The following PDIA2 variants were observed in gnomAD, a reference collection of about 807,000 sequenced individuals.
PDIA2 encodes the protein protein disulfide-isomerase A2.
A neutral mutation model predicts 51.1 loss-of-function variants in PDIA2; 76 were observed. That is an observed-to-expected ratio of 1.49 (90% CI 1.24 to 1.80). The LOEUF (loss-of-function observed/expected upper bound fraction) is 1.80, where lower values mean the gene tolerates loss of function less well. PDIA2 is among the 40% of genes most tolerant of loss of function. The pLI is 0.00. For missense variants in PDIA2, 946 were observed against 706.5 expected, an observed-to-expected ratio of 1.34 and a Z score of -3.84; for synonymous variants, 429 against 309.9, an observed-to-expected ratio of 1.38 and a Z score of -4.04.
chr16:284,431 AG>A lies in PDIA2; in HGVS notation c.245del (p.Ser82ThrfsTer33). ...GHCQALAPEY[S>X]KAAAVLAAES... is the part of the protein sequence containing the mutation. Reference sequence around the variant, plus strand: ...CTGCCAGGCCCTGGCCCCCGAGTACAGCAAGGCAGCTGCCGTGCTCGCGGCC... The same window carrying A: ...CTGCCAGGCCCTGGCCCCCGAGTACACAAGGCAGCTGCCGTGCTCGCGGCC... On this transcript the variant is annotated frameshift_variant, in exon 2 of 11. Transcript: ENST00000219406. LOFTEE classifies it high-confidence loss of function. The A allele has an allele frequency of 6.3e-7, 1 of 1,588,530 alleles. No individual in the cohort carries two copies. Among genetic ancestry groups the A allele is most frequent in the African/African-American group, 1.3e-5 (1 of 74,760 alleles).
chr16:284,284 G>A, intron 1 of PDIA2, 103 bp from the exon 2 acceptor site: 1 of 1,201,080 alleles, frequency 8.3e-7, no homozygotes, highest in South Asian at 1.3e-5. Context: ...CAGGGCTCAG[G>A]GCAGAATGGA....
rs779060528 is a variant in PDIA2, at chr16:286,677, C to T, written c.1364C>T (p.Ala455Val). Residue 455 changes from alanine to valine, a missense_variant, in exon 9 of 11, where the codon GCC (alanine) becomes GTC (valine). Transcript: ENST00000219406. ...GATGCCACGGCCAACGAGCTGGATGCCTTCGCTGTGCACGGCTTCCCTACT... is the reference window on the plus strand; with the variant it reads ...GATGCCACGGCCAACGAGCTGGATGTCTTCGCTGTGCACGGCTTCCCTACT... ...ELDATANELD[A>V]FAVHGFPTLK... 1 of 1,612,916 alleles carries T rather than the reference C, an allele frequency of 6.2e-7. No individual in the cohort carries two copies. The highest frequency in any genetic ancestry group is 8.5e-7 in the Non-Finnish European group (1 of 1,179,992).
rs556947013 is a variant in PDIA2 at position 285,429 on chromosome 16, C to T, written c.913C>T (p.Arg305Trp). ...CTTTGGGGAGGCAGCTCCCCGCTTC[C>T]GGGGGCAGGTACTGGGGGGCTGGGG... ...AGFGEAAPRF[R>W]GQVLFVVVDV... Residue 305 changes from arginine (R) to tryptophan (W), a missense_variant, in exon 6 of 11, where the codon CGG becomes TGG. Arg to Trp is a moderately radical substitution (Grantham distance 101). Transcript: ENST00000219406. 6.0e-5 allele frequency: 87 copies of T among 1,450,374 alleles called. No homozygotes were observed. Among genetic ancestry groups the T allele is most frequent in the East Asian group, 1.2e-4 (4 of 33,018 alleles). The allele number at this position is 1,450,374 out of a possible 1,614,324, so 89.8% of individuals were successfully genotyped here. A position where few individuals can be genotyped will look rare whatever the true frequency, so the allele number is the denominator to read the frequency against.
chr16:285,270 G>C (rs530052619), intron 5 of PDIA2, 42 bp from the exon 6 acceptor site: 2 of 1,611,888 alleles, frequency 1.2e-6, no homozygotes, highest in Admixed American at 3.3e-5. Flanking sequence ...GGGTGCCTAG[G>C]CTGGGGGTCC....
chr16:284,384 C>T lies in PDIA2; in HGVS notation c.200-3C>T, dbSNP rs766778787. 1.0e-5 allele frequency: 16 copies of T among 1,550,644 alleles called. No homozygotes were observed. The highest frequency in any genetic ancestry group is 5.4e-5 in the African/African-American group (4 of 73,644). ...CTGGGGCACTCACGGCCCCATCCCC[C>T]AGATGCCCCGTGGTGTGGGCACTGC... On this transcript the variant is annotated splice_polypyrimidine_tract_variant and splice_region_variant and intron_variant, in intron 1 of 10. Transcript: ENST00000219406.
rs371459895 is a variant in PDIA2 at position 285,740 on chromosome 16, T to G, written c.1119+37T>G. ...ACTGCTCATAATGGAAGGGGAACCC[T>G]GACCTCATCCCACCAGCTTGGCAGG... is the stretch of plus-strand genomic sequence containing the variant. On this transcript the variant is annotated intron_variant, in intron 7 of 10. Coordinates refer to ENST00000219406, the MANE Select transcript of PDIA2 (RefSeq NM_006849.4). 120 of 1,595,392 alleles carry G rather than the reference T, an allele frequency of 7.5e-5. No individual in the cohort carries two copies. In the African/African-American group the frequency reaches 1.6e-3, roughly 21 times the overall value.
chr16:284,178 G>C (rs367586713), intron 1 of PDIA2: 6 of 606,848 alleles, frequency 9.9e-6, no homozygotes, highest in East Asian at 2.8e-5. Flanking sequence ...GTGGGGGGAG[G>C]GGGGGTGGTC....
Position 284,913 on chromosome 16 carries a change from C to T in PDIA2, c.576C>T (p.Ala192=), listed in dbSNP as rs762409143. The T allele has an allele frequency of 3.7e-6, 6 of 1,612,880 alleles. No individual in the cohort carries two copies. The South Asian group carries it at 4.4e-5, about 12-fold the overall frequency. The change falls in exon 4 of 11, where the codon GCC becomes GCT. Residue 192 remains alanine (A), a synonymous_variant. Transcript: ENST00000219406. The part of the protein sequence containing the change: ...LQDEDVATFL[A]LAQDALDMTF... ...ACGAGGACGTGGCCACCTTCTTGGC[C>T]TTGGCCCAGGACGCCCTGGACATGA...
At chr16:283,519 G>A (rs2052313621) in intron 1 of PDIA2, 151 bp downstream of exon 1, 1 of 844,460 alleles carries the variant, frequency 1.2e-6, no homozygotes, top group Non-Finnish European at 1.7e-6. Flanking sequence ...AGCTCTCTAG[G>A]AGGGGCCTGG....
rs148442250 is a variant in PDIA2 at position 284,957 on chromosome 16, G to A, written c.620G>A (p.Arg207Gln). The change falls in exon 4 of 11, where the codon CGG becomes CAG. Residue 207 changes from arginine (R) to glutamine (Q), a missense_variant. By Grantham distance (43) the Arg-to-Gln change is conservative. Transcript: ENST00000219406. Reference protein sequence around the residue: ...ALDMTFGLTDRPRLFQQFGLT... With the variant: ...ALDMTFGLTDQPRLFQQFGLT... Reference sequence around the variant, plus strand: ...GACATGACCTTTGGCCTCACAGACCGGCCGCGGCTCTTTCAGCAGTTTGGC... The same window carrying A: ...GACATGACCTTTGGCCTCACAGACCAGCCGCGGCTCTTTCAGCAGTTTGGC... The A allele has an allele frequency of 1.1e-3, 1,821 of 1,613,388 alleles. 4 individuals are homozygous for A. The highest frequency in any genetic ancestry group is 3.0e-3 in the Middle Eastern group (18 of 6,062).
chr16:285,203 G>C lies in PDIA2; in HGVS notation c.795+3G>C. The C allele has an allele frequency of 1.2e-6, 2 of 1,613,016 alleles. No individual in the cohort carries two copies. Among genetic ancestry groups the C allele is most frequent in the Non-Finnish European group, 1.7e-6 (2 of 1,179,982 alleles). ...TGGTCACGGAGTTCAACAGCCAGGTGCGTAGGCTGCAGTGCCTGGGCTGGG... is the reference window on the plus strand; with the variant it reads ...TGGTCACGGAGTTCAACAGCCAGGTCCGTAGGCTGCAGTGCCTGGGCTGGG... On this transcript the variant is annotated splice_donor_region_variant and intron_variant, in intron 5 of 10. Transcript: ENST00000219406.
chr16:287,129 C>T lies in PDIA2; in HGVS notation c.*16C>T. 1 of 1,612,704 alleles carries T rather than the reference C, an allele frequency of 6.2e-7. No individual in the cohort carries two copies. ...GGAACTGTAGCTGCCCCCGTGTCAC[C>T]CCCGCCATCACTGCTGGACAGGAGC... On this transcript the variant is annotated 3_prime_UTR_variant, in exon 11 of 11. Coordinates refer to ENST00000219406, the MANE Select transcript of PDIA2 (RefSeq NM_006849.4).
chr16:284,937 G>T lies in PDIA2; in HGVS notation c.600G>T (p.Met200Ile). 1 of 1,613,210 alleles carries T rather than the reference G, an allele frequency of 6.2e-7. No homozygotes were observed. The highest frequency in any genetic ancestry group is 1.6e-4 in the Middle Eastern group (1 of 6,062). ...CCTTGGCCCAGGACGCCCTGGACAT[G>T]ACCTTTGGCCTCACAGACCGGCCGC... is the stretch of plus-strand genomic sequence containing the variant. Reference protein sequence around the residue: ...FLALAQDALDMTFGLTDRPRL... With the variant: ...FLALAQDALDITFGLTDRPRL... Residue 200 changes from methionine (M) to isoleucine (I), a missense_variant, in exon 4 of 11, where the codon ATG (methionine) becomes ATT (isoleucine). Physicochemically the swap from Met to Ile is conservative, Grantham distance 10. Coordinates refer to ENST00000219406, the MANE Select transcript of PDIA2 (RefSeq NM_006849.4).
chr16:285,116 C>A lies in PDIA2; in HGVS notation c.711C>A (p.Asp237Glu), dbSNP rs367677538. ...FDEGRADFPV[D>E]EELGLDLGDL... ...AGGGGCGGGCAGACTTCCCCGTGGA[C>A]GAGGAGCTTGGCCTGGACCTGGGGG... The change falls in exon 5 of 11, where the codon GAC becomes GAA. Residue 237 changes from aspartate to glutamate, a missense_variant. Coordinates refer to ENST00000219406, the MANE Select transcript of PDIA2 (RefSeq NM_006849.4). 1.2e-6 allele frequency: 2 copies of A among 1,612,902 alleles called. No individual in the cohort carries two copies. Among genetic ancestry groups the A allele is most frequent in the African/African-American group, 2.7e-5 (2 of 74,900 alleles).
intron 1 of PDIA2, 87 bp downstream of exon 1, chr16:283,455 G>C: frequency 7.3e-7 from 1 of 1,373,924 alleles, no homozygotes; most frequent in Non-Finnish European, 9.7e-7. Flanking sequence ...GCAAATGCAG[G>C]GCATGTGCCC....
Position 287,082 on chromosome 16 carries a change from A to G in PDIA2, c.1547A>G (p.Asn516Ser), listed in dbSNP as rs1399961715. The G allele has an allele frequency of 2.5e-6, 4 of 1,612,624 alleles. No homozygotes were observed. The highest frequency in any genetic ancestry group is 3.4e-6 in the Non-Finnish European group (4 of 1,179,946). The change falls in exon 11 of 11, where the codon AAC (asparagine) becomes AGC (serine). Residue 516 changes from asparagine (N) to serine (S), a missense_variant. By Grantham distance (46) the Asn-to-Ser change is conservative. Transcript: ENST00000219406. Reference sequence around the variant, plus strand: ...GACCCTTTCTAGGAGCCACCGGCCAACTCCACTATGGGGTCCAAGGAGGAA... The same window carrying G: ...GACCCTTTCTAGGAGCCACCGGCCAGCTCCACTATGGGGTCCAAGGAGGAA... ...PAAPFPEPPA[N>S]STMGSKEEL
Position 284,437 on chromosome 16 carries a change from G to A in PDIA2, c.250G>A (p.Ala84Thr). The change falls in exon 2 of 11, where the codon GCA (alanine) becomes ACA (threonine). Residue 84 changes from alanine to threonine, a missense_variant. Ala to Thr is a moderately conservative substitution (Grantham distance 58). Transcript: ENST00000219406. Reference sequence around the variant, plus strand: ...GGCCCTGGCCCCCGAGTACAGCAAGGCAGCTGCCGTGCTCGCGGCCGAGTC... The same window carrying A: ...GGCCCTGGCCCCCGAGTACAGCAAGACAGCTGCCGTGCTCGCGGCCGAGTC... ...CQALAPEYSK[A>T]AAVLAAESMV... is the part of the protein sequence containing the mutation. 1 of 1,591,256 alleles carries A rather than the reference G, an allele frequency of 6.3e-7. No individual in the cohort carries two copies. The highest frequency in any genetic ancestry group is 2.3e-5 in the East Asian group (1 of 44,048).
At chr16:283,967 C>T (rs1049464248) in intron 1 of PDIA2, among the ~76,000 whole-genome samples, 2 of 152,224 alleles carry the variant, frequency 1.3e-5, no homozygotes, top group African/African-American at 4.8e-5. Context: ...CAGGTTCAAG[C>T]AATTCTCCTG....
chr16:285,925 T>TCCCAACCCCAACCCCAACCCCAAC (rs371090480), intron 7 of PDIA2, among the ~76,000 whole-genome samples: 2 of 23,252 alleles, frequency 8.6e-5, no homozygotes, highest in Non-Finnish European at 1.5e-4. Flanking sequence ...CCCGCGGTTC[T>TCCCAACCCCAACCCCAACCCCAAC]CCCAACCCCA....
Sources: allele counts gnomAD v4.1 joint callset (sites outside exome capture counted in the v4.1 genomes callset), GRCh38; gene constraint gnomAD v4.1.1; transcripts MANE v1.5; gene names NCBI Gene and HGNC (gene_info 2026-07-23, HGNC 2026-07-21).